Variants in ITGAD observed in about 807,000 individuals in gnomAD.
ITGAD encodes the protein integrin subunit alpha D.
Under a neutral mutation model 139.0 loss-of-function variants are expected in ITGAD, and 105 were observed. The ratio of observed to expected loss-of-function variants is 0.76; its 90% CI spans 0.65 to 0.89. ITGAD has a LOEUF of 0.89. Ranked by LOEUF, ITGAD falls within the 40% of genes least tolerant of loss-of-function variation. ITGAD has a pLI of 0.00. For synonymous variants in ITGAD, 569 were observed against 598.3 expected (o/e 0.95, Z 0.71); for missense variants, 1,384 against 1,487.3 (o/e 0.93, Z 1.14).
intron 29 of ITGAD, among the ~76,000 whole-genome samples, chr16:31,425,689 CTTT>C (rs113613818): frequency 6.9e-6 from 1 of 144,688 alleles, no homozygotes. Flanking sequence ...TCTTCTTCTT[CTTT>C]TTTTTTTTTA....
intron 23 of ITGAD, among the ~76,000 whole-genome samples, chr16:31,419,436 C>T (rs966871742): frequency 6.6e-6 from 1 of 152,184 alleles, no homozygotes; most frequent in Non-Finnish European, 1.5e-5. Context: ...GAGCAATAGG[C>T]TATACCATAT....
Position 31,397,878 on chromosome 16 carries a change from G to A in ITGAD, c.396G>A (p.Glu132=), listed in dbSNP as rs1265383093. 5.6e-6 allele frequency: 9 copies of A among 1,613,388 alleles called. No individual in the cohort carries two copies. Among genetic ancestry groups the A allele is most frequent in the Non-Finnish European group, 7.6e-6 (9 of 1,179,894 alleles). The change falls in exon 5 of 30, where the codon GAG becomes GAA. Residue 132 remains glutamate, a synonymous_variant. Coordinates refer to ENST00000389202, the MANE Select transcript of ITGAD (RefSeq NM_005353.3). ...GSCLLLGSRW[E]IIQTVPDATP... Reference sequence around the variant, plus strand: ...GCCTCCTGCTGGGCTCGCGCTGGGAGATCATCCAGACAGTCCCCGACGCCA... The same window carrying A: ...GCCTCCTGCTGGGCTCGCGCTGGGAAATCATCCAGACAGTCCCCGACGCCA...
chr16:31,409,746 C>T (rs1271298902), intron 10 of ITGAD, among the ~76,000 whole-genome samples: 1 of 150,904 alleles, frequency 6.6e-6, no homozygotes, highest in Non-Finnish European at 1.5e-5. Context: ...CCTGTCTCTA[C>T]AAAAAATAAA....
Position 31,414,879 on chromosome 16 carries a change from T to G in ITGAD, c.2171T>G (p.Val724Gly). The G allele has an allele frequency of 6.8e-6, 11 of 1,614,076 alleles. No individual in the cohort carries two copies. The highest frequency in any genetic ancestry group is 9.3e-6 in the Non-Finnish European group (11 of 1,179,988). Residue 724 changes from valine (V) to glycine (G), a missense_variant, in exon 18 of 30, where the codon GTG becomes GGG. Val to Gly is a moderately radical substitution (Grantham distance 109). Coordinates refer to ENST00000389202, the MANE Select transcript of ITGAD (RefSeq NM_005353.3). ...LLLPDCVEDV[V>G]SPIILHLNFS... ...TCTCAGGATTGTGTGGAGGATGTGG[T>G]GAGCCCCATCATTCTGCACCTCAAC...
intron 28 of ITGAD, 111 bp from the exon 29 acceptor site, chr16:31,424,356 C>A: frequency 8.0e-7 from 1 of 1,253,908 alleles, no homozygotes; most frequent in Non-Finnish European, 1.2e-6. Context: ...GCTACTGTGT[C>A]TCACTCCTTG....
chr16:31,396,486 G>A (rs1047202224), intron 2 of ITGAD, among the ~76,000 whole-genome samples: 2 of 152,110 alleles, frequency 1.3e-5, no homozygotes, highest in Admixed American at 6.6e-5. Context: ...AAACATATGG[G>A]TTGATGGGTT....
rs541319481 is a variant in ITGAD at position 31,423,925 on chromosome 16, G to C, written c.3126G>C (p.Leu1042=). ...FSVQEELDFT[L]KGNLSFGWVR... ...TCCAGGAGGAGCTGGATTTCACCCT[G>C]AAGGGCAATCTCAGTTTCGGCTGGG... The change falls in exon 27 of 30, where the codon CTG becomes CTC. Residue 1042 remains leucine, a synonymous_variant. Transcript: ENST00000389202. 6.2e-7 allele frequency: 1 copy of C among 1,614,214 alleles called. No individual in the cohort carries two copies. The highest frequency in any genetic ancestry group is 1.3e-5 in the African/African-American group (1 of 75,046).
rs143512956 is a variant in ITGAD, at chr16:31,413,201, G to A, written c.1951G>A (p.Ala651Thr). The change falls in exon 16 of 30, where the codon GCC (alanine) becomes ACC (threonine). Residue 651 changes from alanine to threonine, a missense_variant. Transcript: ENST00000389202. ...GCCCAGTGCCCTGGAAGCTGGGGAC[G>A]CCACCGTCTGTCTCACCATCCAGAA... is the stretch of plus-strand genomic sequence containing the variant. The part of the protein sequence containing the change: ...EKPSALEAGD[A>T]TVCLTIQKSS... 8.4e-5 allele frequency: 136 copies of A among 1,613,978 alleles called. No homozygotes were observed. The highest frequency in any genetic ancestry group is 1.1e-4 in the Non-Finnish European group (126 of 1,180,016).
rs1018645151 is a variant in ITGAD, at chr16:31,418,302, G to A, written c.2618G>A (p.Gly873Asp). The A allele has an allele frequency of 1.9e-6, 3 of 1,613,606 alleles. No individual in the cohort carries two copies. Among genetic ancestry groups the A allele is most frequent in the Admixed American group, 1.7e-5 (1 of 59,986 alleles). ...NHPIFHEGSN[G>D]TFIVTFDVSY... ...ATTCTTTCCTTCTTCTTCCCTCAGG[G>A]CACCTTCATAGTCACATTCGATGTC... The change falls in exon 22 of 30, where the codon GGC becomes GAC. Residue 873 changes from glycine to aspartate, a missense_variant and splice_region_variant. Coordinates refer to ENST00000389202, the MANE Select transcript of ITGAD (RefSeq NM_005353.3).
At chr16:31,419,825 A>AAAAG (rs1463971874) in intron 23 of ITGAD, among the ~76,000 whole-genome samples, 3 of 151,568 alleles carry the variant, frequency 2.0e-5, no homozygotes, top group African/African-American at 7.3e-5. Flanking sequence ...AAAAAAAAAA[A>AAAAG]AAAAAAGAAA....
chr16:31,425,928 T>A, intron 29 of ITGAD, 87 bp from the exon 30 acceptor site: 1 of 816,398 alleles, frequency 1.2e-6, no homozygotes, highest in Non-Finnish European at 2.1e-6. Flanking sequence ...TGATCCACCC[T>A]CCTCAGCTTC....
At position 31,407,659 on chromosome 16, in the gene ITGAD, C is replaced by T. The variant is rs768340315; in HGVS notation, c.849C>T (p.Tyr283=). 237 of 1,614,152 alleles carry T rather than the reference C, an allele frequency of 1.5e-4. No homozygotes were observed. The highest frequency in any genetic ancestry group is 8.2e-4 in the South Asian group (75 of 91,072). Reference sequence around the variant, plus strand: ...CAGAGAAGGCTGGCATCATCCGCTACGCTATCGGGGTGCGCCTCTTCTTCA... The same window carrying T: ...CAGAGAAGGCTGGCATCATCCGCTATGCTATCGGGGTGCGCCTCTTCTTCA... The part of the protein sequence containing the change: ...PQAEKAGIIR[Y]AIGVGHAFQG... Residue 283 remains tyrosine, a synonymous_variant, in exon 8 of 30, where the codon TAC becomes TAT. Coordinates refer to ENST00000389202, the MANE Select transcript of ITGAD (RefSeq NM_005353.3).
Position 31,403,637 on chromosome 16 carries a change from G to A in ITGAD, c.696G>A (p.Leu232=), listed in dbSNP as rs1356076710. The change falls in exon 7 of 30, where the codon CTG becomes CTA. Residue 232 remains leucine, a synonymous_variant. Coordinates refer to ENST00000389202, the MANE Select transcript of ITGAD (RefSeq NM_005353.3). The surrounding 1 kb of genome is among the most constrained non-coding windows in gnomAD (Gnocchi z 4.4). ...KGLTFTATGI[L]TVVTQLFHHK... is the part of the protein sequence containing the mutation. ...TGACGTTCACGGCCACGGGCATCCT[G>A]ACAGTGGTGTAAGCAACCCCGACCC... 1 of 1,614,156 alleles carries A rather than the reference G, an allele frequency of 6.2e-7. No homozygotes were observed. The highest frequency in any genetic ancestry group is 8.5e-7 in the Non-Finnish European group (1 of 1,180,026).
intron 5 of ITGAD, among the ~76,000 whole-genome samples, chr16:31,399,615 T>C (rs1477036831): frequency 6.6e-6 from 1 of 152,046 alleles, no homozygotes; most frequent in Non-Finnish European, 1.5e-5. Flanking sequence ...CAGCCTGAGA[T>C]GTCTGTGAAG....
chr16:31,403,715 C>T lies in ITGAD; in HGVS notation c.704+70C>T. ...ACTTCCTAACCCTGGGTCAGCACAGCTCTTCTCAGAGGCTGAGGGAGGCTC... is the reference window on the plus strand; with the variant it reads ...ACTTCCTAACCCTGGGTCAGCACAGTTCTTCTCAGAGGCTGAGGGAGGCTC... On this transcript the variant is annotated intron_variant, in intron 7 of 29. Transcript: ENST00000389202. The surrounding 1 kb of genome is among the most constrained non-coding windows in gnomAD (Gnocchi z 4.4). 1 of 1,580,184 alleles carries T rather than the reference C, an allele frequency of 6.3e-7. No individual in the cohort carries two copies. The highest frequency in any genetic ancestry group is 8.7e-7 in the Non-Finnish European group (1 of 1,153,972).
At chr16:31,410,906 G>C in intron 12 of ITGAD, 28 bp downstream of exon 12, 1 of 1,609,182 alleles carries the variant, frequency 6.2e-7, no homozygotes, top group South Asian at 1.1e-5. Flanking sequence ...CCAGAGGGGA[G>C]GATGAGGGTG....
chr16:31,404,385 C>G (rs537534061), intron 7 of ITGAD: 1 of 151,898 alleles, frequency 6.6e-6, no homozygotes, highest in East Asian at 2.0e-4. Context: ...CTGCACACAC[C>G]CCTGGGAGCA....
chr16:31,424,936 C>T (rs994932231), intron 29 of ITGAD, among the ~76,000 whole-genome samples: 2 of 152,078 alleles, frequency 1.3e-5, no homozygotes, highest in Admixed American at 1.3e-4. Flanking sequence ...CCAACCCAAG[C>T]CCTCCTACAG....
intron 12 of ITGAD, 32 bp downstream of exon 12, chr16:31,410,910 G>A: frequency 6.2e-7 from 1 of 1,606,848 alleles, no homozygotes; most frequent in Non-Finnish European, 8.5e-7. Context: ...AGGGGAGGAT[G>A]AGGGTGGGGA....
Sources: gnomAD v4.1 joint callset for allele counts (sites outside exome capture counted in the v4.1 genomes callset) on GRCh38, gnomAD v4.1.1 for gene constraint, Gnocchi (gnomAD v3.1) non-coding constraint, MANE v1.5 for transcripts, NCBI Gene and HGNC (gene_info 2026-07-23, HGNC 2026-07-21) for gene names.